PIBF1: variants seen among roughly 807,000 people sequenced by gnomAD.
PIBF1 encodes the protein progesterone-induced-blocking factor 1.
In PIBF1, 90 loss-of-function variants were observed where a neutral mutation model predicts 112.5. The ratio of observed to expected loss-of-function variants is 0.80; its 90% CI spans 0.67 to 0.95. PIBF1 has a LOEUF of 0.95. PIBF1 is among the 40% of genes least tolerant of loss of function. The probability of loss-of-function intolerance (pLI) is 0.00; values close to 1 mark genes in which losing one functional copy is unlikely to be tolerated. For missense variants in PIBF1, 915 were observed against 852.3 expected (o/e 1.07, Z -0.92); for synonymous variants, 301 against 288.6 (o/e 1.04, Z -0.44).
intron 9 of PIBF1, among the ~76,000 whole-genome samples, chr13:72,841,911 G>A (rs1199102873): frequency 6.6e-6 from 1 of 152,080 alleles, no homozygotes; most frequent in Non-Finnish European, 1.5e-5. Flanking sequence ...TAGAATACTT[G>A]AAGAAAATAT....
chr13:72,943,643 T>C (rs1301862736), intron 14 of PIBF1, among the ~76,000 whole-genome samples: 1 of 152,222 alleles, frequency 6.6e-6, no homozygotes, highest in Non-Finnish European at 1.5e-5. Flanking sequence ...ATCCTCATCT[T>C]CTGTCATCTC....
rs190114731 is a variant in PIBF1 at position 72,947,727 on chromosome 13, C to T, written c.1833+16460C>T. Among the ~76,000 whole-genome samples the T allele has an allele frequency of 1.0e-3, 153 of 152,244 alleles. No homozygotes were observed. In the Middle Eastern group the frequency reaches 0.024, roughly 24 times the overall value. Reference sequence around the variant, plus strand: ...GAAATACCATTTGACCCAGCAATCCCATCATTGGGTATATACCCAAAGGAT... The same window carrying T: ...GAAATACCATTTGACCCAGCAATCCTATCATTGGGTATATACCCAAAGGAT... On this transcript the variant is annotated intron_variant, in intron 14 of 17. Transcript: ENST00000326291.
intron 16 of PIBF1, among the ~76,000 whole-genome samples, chr13:72,991,533 T>C (rs915958327): frequency 1.9e-4 from 29 of 152,152 alleles, no homozygotes; most frequent in African/African-American, 7.0e-4. Context: ...ACTGTTAACT[T>C]TCTGCAAGTT....
In PIBF1 at chr13:72,992,506, C is replaced by T. The variant is rs180898501; in HGVS notation, c.2050-6316C>T. On this transcript the variant is annotated intron_variant, in intron 16 of 17. Coordinates refer to ENST00000326291, the MANE Select transcript of PIBF1 (RefSeq NM_006346.4). ...ACACAAATTATCGCATCCACGTACA[C>T]AGAGATTGTACTCAATGGTGTCATT... 7.2e-5 allele frequency among the ~76,000 whole-genome samples: 11 copies of T among 152,172 alleles called. No individual in the cohort carries two copies. The East Asian group carries it at 1.2e-3, about 16-fold the overall frequency.
At chr13:72,861,286 A>G (rs1407380700) in intron 10 of PIBF1, among the ~76,000 whole-genome samples, 2 of 152,014 alleles carry the variant, frequency 1.3e-5, no homozygotes, top group Non-Finnish European at 2.9e-5. Flanking sequence ...TGTAATAATT[A>G]TTACATATAA....
At chr13:72,901,897 A>T (rs1001266967) in intron 11 of PIBF1, among the ~76,000 whole-genome samples, 2 of 152,176 alleles carry the variant, frequency 1.3e-5, no homozygotes, top group East Asian at 3.9e-4. Flanking sequence ...TTTGAAAAAG[A>T]TACTTGCACA....
At chr13:72,798,881 C>T (rs2035326865) in intron 5 of PIBF1, among the ~76,000 whole-genome samples, 1 of 152,178 alleles carries the variant, frequency 6.6e-6, no homozygotes, top group African/African-American at 2.4e-5. Context: ...GATGGAGCTA[C>T]TGTCCATTTA....
chr13:72,911,806 TGTG>T (rs2040903373), intron 12 of PIBF1, among the ~76,000 whole-genome samples: 1 of 151,900 alleles, frequency 6.6e-6, no homozygotes, highest in South Asian at 2.1e-4. Context: ...GATACCCAAA[TGTG>T]GTGGGCTGAA....
At chr13:72,892,785 T>TACACACACACACAC (rs113653296) in intron 10 of PIBF1, among the ~76,000 whole-genome samples, 179 of 140,760 alleles carry the variant, frequency 1.3e-3, no homozygotes, top group South Asian at 6.8e-3. Context: ...CCTCCTGCCT[T>TACACACACACACAC]ACACACACAC....
chr13:72,884,784 A>G (rs2039778667), intron 10 of PIBF1: 1 of 152,164 alleles, frequency 6.6e-6, no homozygotes, highest in South Asian at 2.1e-4. Context: ...ACATAAGATT[A>G]TATTTACTAT....
At chr13:72,929,019 G>A (rs1372800367) in intron 13 of PIBF1, among the ~76,000 whole-genome samples, 1 of 151,858 alleles carries the variant, frequency 6.6e-6, no homozygotes, top group African/African-American at 2.4e-5. Flanking sequence ...TGTGTTTATT[G>A]TTCTATACTG....
At chr13:72,944,183 A>G (rs2138827883) in intron 14 of PIBF1, among the ~76,000 whole-genome samples, 1 of 152,318 alleles carries the variant, frequency 6.6e-6, no homozygotes, top group African/African-American at 2.4e-5. Context: ...GTGGTGGCTA[A>G]TGCCTGTAAT....
At chr13:72,994,662 C>G (rs2043589946) in intron 16 of PIBF1, among the ~76,000 whole-genome samples, 1 of 152,140 alleles carries the variant, frequency 6.6e-6, no homozygotes, top group African/African-American at 2.4e-5. Context: ...ATGCCAAACT[C>G]AAATGCAAAC....
chr13:72,892,008 G>A (rs903403014), intron 10 of PIBF1, among the ~76,000 whole-genome samples: 4 of 152,108 alleles, frequency 2.6e-5, no homozygotes, highest in African/African-American at 7.2e-5. Context: ...AAGTAGATCA[G>A]TGGTTGCCAG....
chr13:72,973,811 C>CT, intron 16 of PIBF1, 136 bp downstream of exon 16: 1 of 556,988 alleles, frequency 1.8e-6, no homozygotes, highest in Non-Finnish European at 3.2e-6. Context: ...TAATTTTGTC[C>CT]TTTTTTATTC....
At chr13:72,999,043 C>G in intron 17 of PIBF1, 48 bp downstream of exon 17, 2 of 1,230,706 alleles carry the variant, frequency 1.6e-6, no homozygotes, top group Non-Finnish European at 2.3e-6. Context: ...CTGATTCTTA[C>G]TAAATGTATT....
chr13:72,789,588 T>C (rs1398728816), intron 2 of PIBF1, among the ~76,000 whole-genome samples: 1 of 152,148 alleles, frequency 6.6e-6, no homozygotes, highest in Non-Finnish European at 1.5e-5. Context: ...CAGCTTGTCC[T>C]TGAGTTAAGA....
intron 1 of PIBF1, among the ~76,000 whole-genome samples, 153 bp from the exon 2 acceptor site, chr13:72,783,270 G>A (rs2034392858): frequency 6.6e-6 from 1 of 151,836 alleles, no homozygotes; most frequent in Admixed American, 6.6e-5. Context: ...TTTGATTTGA[G>A]CATTAACTTA....
chr13:73,010,810 C>CTTTTTTTTTTTTTTTTTTTTT lies in PIBF1; in HGVS notation c.2224-5049_2224-5029dup, dbSNP rs1176079981. 6.0e-4 allele frequency among the ~76,000 whole-genome samples: 24 copies of CTTTTTTTTTTTTTTTTTTTTT among 40,284 alleles called. 2 individuals are homozygous for CTTTTTTTTTTTTTTTTTTTTT. The highest frequency in any genetic ancestry group is 9.6e-4 in the East Asian group (1 of 1,040). 26.4% of individuals were successfully genotyped at this position (40,284 alleles called of 152,430 possible). A position where few individuals can be genotyped will look rare whatever the true frequency, so the allele number is the denominator to read the frequency against. ...CTGAGCTGGAAAATCATTAACTTTT[C>CTTTTTTTTTTTTTTTTTTTTT]TTTTTTTTTTTTTTTTTTTTTTTTT... is the stretch of plus-strand genomic sequence containing the variant. On this transcript the variant is annotated intron_variant, in intron 17 of 17. Transcript: ENST00000326291.
Sources: gnomAD v4.1 joint callset for allele counts (sites outside exome capture counted in the v4.1 genomes callset) on GRCh38, gnomAD v4.1.1 for gene constraint, MANE v1.5 for transcripts, NCBI Gene and HGNC (gene_info 2026-07-23, HGNC 2026-07-21) for gene names.